The following ANKHD1 variants were observed in gnomAD, a reference collection of about 807,000 sequenced individuals.
The protein encoded by ANKHD1 is ankyrin repeat and KH domain containing 1.
ANKHD1 carries 31 observed loss-of-function variants against 230.5 expected under a neutral mutation model. That is an observed-to-expected ratio of 0.13 (90% CI 0.10 to 0.18). ANKHD1 has a LOEUF of 0.18. Among genes scored for constraint, ANKHD1 ranks in the 10% least tolerant of loss-of-function variants. The pLI, the probability that ANKHD1 is intolerant of heterozygous loss-of-function variation, is 1.00. For missense variants in ANKHD1, 2,256 were observed against 3,071.3 expected (o/e 0.73, Z 6.27); for synonymous variants, 1,074 against 1,117.6 (o/e 0.96, Z 0.78).
Position 140,535,557 on chromosome 5 carries a change from CT to C in ANKHD1, c.7027+20del. On this transcript the variant is annotated intron_variant, in intron 30 of 33. Transcript: ENST00000360839. ...AACTCATGTAGGAATCCTGGAGGAA[CT>C]CTTCCCAAAGAGTTTTGAATAAGTT... 6.4e-7 allele frequency: 1 copy of C among 1,568,514 alleles called. No homozygotes were observed. The highest frequency in any genetic ancestry group is 8.6e-7 in the Non-Finnish European group (1 of 1,163,870).
Position 140,401,877 on chromosome 5 carries a change from T to G in ANKHD1, c.-91T>G. On this transcript the variant is annotated 5_prime_UTR_variant, in exon 1 of 34. Transcript: ENST00000360839. ...TGCTGGGACGGGGGAAAGGAGACGCTTCTTCCTCTTGCTGCTCTTCTCGTT... is the reference window on the plus strand; with the variant it reads ...TGCTGGGACGGGGGAAAGGAGACGCGTCTTCCTCTTGCTGCTCTTCTCGTT... 2 of 1,464,564 alleles carry G rather than the reference T, an allele frequency of 1.4e-6. No homozygotes were observed. The highest frequency in any genetic ancestry group is 1.8e-6 in the Non-Finnish European group (2 of 1,115,370). The allele number at this position is 1,464,564 out of a possible 1,614,324, so 90.7% of individuals were successfully genotyped here. A position where few individuals can be genotyped will look rare whatever the true frequency, so the allele number is the denominator to read the frequency against.
At position 140,535,350 on chromosome 5, in the gene ANKHD1, G is replaced by A. The variant is rs748710906; in HGVS notation, c.6851-12G>A. ...TTAGCTAATTGGATGTCTTGGACCT[G>A]TTTTATTTCAGGGTTACCATCCATT... On this transcript the variant is annotated splice_polypyrimidine_tract_variant and intron_variant, in intron 29 of 33. Transcript: ENST00000360839. The A allele has an allele frequency of 6.3e-7, 1 of 1,575,216 alleles. No individual in the cohort carries two copies. The highest frequency in any genetic ancestry group is 2.0e-5 in the Admixed American group (1 of 50,748).
intron 6 of ANKHD1, among the ~76,000 whole-genome samples, chr5:140,447,639 A>G (rs1028627498): frequency 6.6e-6 from 1 of 152,348 alleles, no homozygotes; most frequent in Admixed American, 6.5e-5. Context: ...TTCAAAGGTA[A>G]GCCGTTTAGG....
intron 24 of ANKHD1, among the ~76,000 whole-genome samples, chr5:140,515,296 CCCATTTTA>C (rs1554093280): frequency 1.3e-5 from 2 of 151,818 alleles, no homozygotes; most frequent in Non-Finnish European, 2.9e-5. Context: ...AAAAAAAAAT[CCCATTTTA>C]CCAAATGACA....
At chr5:140,449,117 T>C in intron 6 of ANKHD1, 94 bp from the exon 7 acceptor site, 3 of 1,274,308 alleles carry the variant, frequency 2.4e-6, no homozygotes, top group Non-Finnish European at 2.2e-6. Flanking sequence ...ATCAAATTCT[T>C]GTATAGACAT....
intron 24 of ANKHD1, among the ~76,000 whole-genome samples, chr5:140,522,999 T>C (rs1753420829): frequency 6.6e-6 from 1 of 152,128 alleles, no homozygotes. Context: ...CAGATCCTTT[T>C]TCTGTTTTTA....
intron 1 of ANKHD1, among the ~76,000 whole-genome samples, chr5:140,407,326 G>A (rs1770551334): frequency 6.6e-6 from 1 of 150,842 alleles, no homozygotes; most frequent in African/African-American, 2.4e-5. Context: ...TTTAAAAAAT[G>A]GTTTTTATTT....
intron 24 of ANKHD1, among the ~76,000 whole-genome samples, chr5:140,523,112 T>TC (rs1753433145): frequency 6.8e-6 from 1 of 147,660 alleles, no homozygotes; most frequent in African/African-American, 2.5e-5. Flanking sequence ...TTTTTCCTTT[T>TC]TTTTTTTTTT....
intron 14 of ANKHD1, among the ~76,000 whole-genome samples, chr5:140,491,669 A>G (rs1303590458): frequency 2.6e-5 from 4 of 151,830 alleles, no homozygotes; most frequent in Non-Finnish European, 5.9e-5. Context: ...GATTGCCTCT[A>G]TTTTCTCACC....
At chr5:140,412,325 C>G (rs151124843) in intron 1 of ANKHD1, among the ~76,000 whole-genome samples, 1 of 151,994 alleles carries the variant, frequency 6.6e-6, no homozygotes, top group Non-Finnish European at 1.5e-5. Flanking sequence ...CCACCGTGCC[C>G]GGCTATTTTT....
intron 10 of ANKHD1, among the ~76,000 whole-genome samples, chr5:140,466,392 C>CAA (rs5871737): frequency 7.6e-6 from 1 of 131,890 alleles, no homozygotes; most frequent in African/African-American, 2.9e-5. Context: ...AACGCCATCT[C>CAA]AAAAAAAAAA....
At chr5:140,419,804 TTC>T (rs1340695427) in intron 1 of ANKHD1, among the ~76,000 whole-genome samples, 12 of 91,548 alleles carry the variant, frequency 1.3e-4, no homozygotes, top group African/African-American at 4.2e-4. Flanking sequence ...CTTTCTTTCT[TTC>T]TTTCTTTCTT....
intron 10 of ANKHD1, 32 bp downstream of exon 10, chr5:140,464,808 G>T (rs774942903): frequency 1.4e-5 from 22 of 1,566,856 alleles, no homozygotes; most frequent in Non-Finnish European, 1.6e-5. Flanking sequence ...ATATTTTTGC[G>T]TTAATGTTAA....
intron 10 of ANKHD1, among the ~76,000 whole-genome samples, chr5:140,476,500 T>C (rs1750976126): frequency 6.6e-6 from 1 of 152,090 alleles, no homozygotes; most frequent in Non-Finnish European, 1.5e-5. Flanking sequence ...ATCAAAGTTT[T>C]GACCTTCTCA....
chr5:140,529,230 C>T lies in ANKHD1; in HGVS notation c.6284C>T (p.Pro2095Leu). The T allele has an allele frequency of 1.2e-6, 2 of 1,614,200 alleles. No individual in the cohort carries two copies. The highest frequency in any genetic ancestry group is 1.1e-5 in the South Asian group (1 of 91,086). ...SVSDLSPMSM[P>L]FASNSEPAPL... ...TCTGATTTAAGTCCTATGTCAATGC[C>T]TTTTGCATCTAACTCAGAACCTGCT... Residue 2095 changes from proline to leucine, a missense_variant, in exon 29 of 34, where the codon CCT becomes CTT. By Grantham distance (98) the Pro-to-Leu change is moderately conservative (BLOSUM62 -3). Transcript: ENST00000360839.
intron 10 of ANKHD1, among the ~76,000 whole-genome samples, chr5:140,479,169 G>T (rs1561781705): frequency 6.8e-6 from 1 of 146,804 alleles, no homozygotes; most frequent in African/African-American, 2.5e-5. Flanking sequence ...GGCTAATTTT[G>T]TTTTTTTTTG....
At chr5:140,454,185 AT>A (rs1462719812) in intron 7 of ANKHD1, among the ~76,000 whole-genome samples, 1 of 152,198 alleles carries the variant, frequency 6.6e-6, no homozygotes, top group Non-Finnish European at 1.5e-5. Flanking sequence ...TATGCACCCA[AT>A]ACAGGAGCAC....
intron 15 of ANKHD1, among the ~76,000 whole-genome samples, chr5:140,502,209 T>G (rs888864812): frequency 6.6e-6 from 1 of 152,230 alleles, no homozygotes; most frequent in Non-Finnish European, 1.5e-5. Context: ...TGATACAACC[T>G]TTATTCCACA....
At chr5:140,475,257 G>A (rs971808874) in intron 10 of ANKHD1, among the ~76,000 whole-genome samples, 8 of 152,216 alleles carry the variant, frequency 5.3e-5, no homozygotes, top group East Asian at 3.9e-4. Context: ...AAAGATCTCC[G>A]TGGACTAGAA....
Sources: allele counts gnomAD v4.1 joint callset (sites outside exome capture counted in the v4.1 genomes callset), GRCh38; gene constraint gnomAD v4.1.1; transcripts MANE v1.5; gene names NCBI Gene and HGNC (gene_info 2026-07-23, HGNC 2026-07-21).